The following MPDZ variants were observed in gnomAD, a reference collection of about 807,000 sequenced individuals.
MPDZ encodes the protein multiple PDZ domain protein.
Under a neutral mutation model 239.1 loss-of-function variants are expected in MPDZ, and 234 were observed. The observed-to-expected ratio is 0.98, with a 90% CI of 0.88 to 1.09. MPDZ has a LOEUF of 1.09. Among genes scored for constraint, MPDZ ranks in the 50% least tolerant of loss-of-function variants. The probability of loss-of-function intolerance (pLI) is 0.00; values close to 1 mark genes in which losing one functional copy is unlikely to be tolerated. For synonymous variants in MPDZ, 1,048 were observed against 881.3 expected (o/e 1.19, Z -3.35); for missense variants, 3,175 against 2,510.0 (o/e 1.26, Z -5.66).
rs770170366 is a variant in MPDZ at position 13,119,628 on chromosome 9, C to A, written c.5253G>T (p.Val1751=). ...VGKRNDTGVF[V]SDIVKGGIAD... is the part of the protein sequence containing the mutation. ...CAATTCCTCCTTTGACAATGTCTGA[C>A]ACAAATACTCCAGTATCGTTTCTAC... The change falls in exon 39 of 47, where the codon GTG becomes GTT. Residue 1751 remains valine, a synonymous_variant. Coordinates refer to ENST00000319217, the MANE Select transcript of MPDZ (RefSeq NM_001378778.1). 1.9e-6 allele frequency: 3 copies of A among 1,613,948 alleles called. No individual in the cohort carries two copies. Among genetic ancestry groups the A allele is most frequent in the South Asian group, 1.1e-5 (1 of 91,078 alleles).
intron 29 of MPDZ, 126 bp downstream of exon 29, chr9:13,137,831 A>C: frequency 1.0e-6 from 1 of 968,136 alleles, no homozygotes; most frequent in South Asian, 1.7e-5. Context: ...GCTGCAATGC[A>C]TCTATTTTAT....
In MPDZ at chr9:13,216,832, G is replaced by C; in HGVS notation, c.1232C>G (p.Thr411Arg). ...ATCATGCTCAACGGCACTGCTTTTTGTAATGCTCTTTACAAAGATTCCTGA... is the reference window on the plus strand; with the variant it reads ...ATCATGCTCAACGGCACTGCTTTTTCTAATGCTCTTTACAAAGATTCCTGA... ...EPSGIFVKSI[T>R]KSSAVEHDGR... The change falls in exon 10 of 47, where the codon ACA becomes AGA. Residue 411 changes from threonine (T) to arginine (R), a missense_variant. Physicochemically the swap from Thr to Arg is moderately conservative, Grantham distance 71 (BLOSUM62 -1). Transcript: ENST00000319217. The C allele has an allele frequency of 6.2e-7, 1 of 1,609,908 alleles. No individual in the cohort carries two copies. The highest frequency in any genetic ancestry group is 8.5e-7 in the Non-Finnish European group (1 of 1,177,900).
intron 1 of MPDZ, among the ~76,000 whole-genome samples, chr9:13,265,815 G>T (rs1257206743): frequency 6.6e-6 from 1 of 152,084 alleles, no homozygotes; most frequent in Non-Finnish European, 1.5e-5. Context: ...GCTCCTCAGG[G>T]GAAAGTGTTA....
rs755920771 is a variant in MPDZ at position 13,189,011 on chromosome 9, G to A, written c.2155-18C>T. ...ATTGGATCCTGACAGAAGGCAAAAG[G>A]AAAGAGTCAGCTCATTTTACAAAGA... On this transcript the variant is annotated intron_variant, in intron 16 of 46. Transcript: ENST00000319217. 1.9e-6 allele frequency: 3 copies of A among 1,601,952 alleles called. No homozygotes were observed. The highest frequency in any genetic ancestry group is 2.2e-5 in the South Asian group (2 of 89,920).
intron 27 of MPDZ, 119 bp from the exon 28 acceptor site, chr9:13,140,268 T>C: frequency 2.4e-6 from 2 of 848,352 alleles, no homozygotes; most frequent in Non-Finnish European, 3.5e-6. Context: ...TAACAAATAA[T>C]GGAAAGCTCA....
rs755487892 is a variant in MPDZ at position 13,198,737 on chromosome 9, C to CTCTCTG, written c.1547-2508_1547-2507insCAGAGA. Among the ~76,000 whole-genome samples, 246 of 69,772 alleles carry CTCTCTG rather than the reference C, an allele frequency of 3.5e-3. 1 individual carries two copies. The highest frequency in any genetic ancestry group is 4.6e-3 in the Admixed American group (30 of 6,524). 45.8% of individuals were successfully genotyped at this position (69,772 alleles called of 152,430 possible). ...ATATTTAGGTCTTTAATCTCTCTCT[C>CTCTCTG]TGTGTGTGTGTGTGTGTGTGTGTGT... is the stretch of plus-strand genomic sequence containing the variant. On this transcript the variant is annotated intron_variant, in intron 12 of 46. Transcript: ENST00000319217.
At chr9:13,112,839 T>C (rs188807639) in intron 42 of MPDZ, among the ~76,000 whole-genome samples, 172 bp downstream of exon 42, 15 of 152,344 alleles carry the variant, frequency 9.8e-5, no homozygotes, top group African/African-American at 3.6e-4. Flanking sequence ...AATGAGGTGC[T>C]GTGATCAGGA....
rs529814247 is a variant in MPDZ, at chr9:13,217,494, A to G, written c.1087-200T>C. Among the ~76,000 whole-genome samples, 8 of 151,986 alleles carry G rather than the reference A, an allele frequency of 5.3e-5. No individual in the cohort carries two copies. In the South Asian group the frequency reaches 1.2e-3, roughly 24 times the overall value. On this transcript the variant is annotated intron_variant, in intron 8 of 46. Coordinates refer to ENST00000319217, the MANE Select transcript of MPDZ (RefSeq NM_001378778.1). ...TCATCATATTTTTGCTCAGAAAGGG[A>G]TATCAGGCAGGAATAAGGTTGAACC...
chr9:13,160,314 C>T (rs1950311314), intron 23 of MPDZ, among the ~76,000 whole-genome samples: 1 of 152,120 alleles, frequency 6.6e-6, no homozygotes, highest in African/African-American at 2.4e-5. Context: ...ACCAAAAATG[C>T]ATATCCATGT....
intron 5 of MPDZ, among the ~76,000 whole-genome samples, chr9:13,223,037 G>C (rs1959251641): frequency 6.6e-6 from 1 of 152,060 alleles, no homozygotes; most frequent in South Asian, 2.1e-4. Context: ...CATAGGATTT[G>C]CACTGTGTTA....
intron 41 of MPDZ, 88 bp downstream of exon 41, chr9:13,113,843 G>C (rs1177196138): frequency 8.9e-6 from 9 of 1,013,484 alleles, no homozygotes; most frequent in Non-Finnish European, 1.3e-5. Context: ...TGATTTGGGG[G>C]AAAAGAAAGC....
intron 1 of MPDZ, among the ~76,000 whole-genome samples, chr9:13,263,874 G>A (rs1444880610): frequency 1.3e-5 from 2 of 152,084 alleles, no homozygotes; most frequent in Admixed American, 6.6e-5. Context: ...ATATTCAAAT[G>A]ACAATAAAAT....
At chr9:13,233,295 G>A (rs921837811) in intron 3 of MPDZ, among the ~76,000 whole-genome samples, 2 of 152,114 alleles carry the variant, frequency 1.3e-5, no homozygotes, top group Non-Finnish European at 2.9e-5. Context: ...GCAATCAACA[G>A]AAGAGTGGAC....
intron 27 of MPDZ, among the ~76,000 whole-genome samples, chr9:13,142,613 T>A (rs1947875138): frequency 6.6e-6 from 1 of 152,068 alleles, no homozygotes; most frequent in South Asian, 2.1e-4. Context: ...ATACGAAAAT[T>A]CCACACTGAC....
chr9:13,175,256 C>T (rs1952309033), intron 21 of MPDZ, among the ~76,000 whole-genome samples: 2 of 152,100 alleles, frequency 1.3e-5, no homozygotes, highest in Admixed American at 6.5e-5. Context: ...AAAATCCTGC[C>T]ACCTGGGAAG....
chr9:13,148,316 C>T (rs991370359), intron 25 of MPDZ, among the ~76,000 whole-genome samples: 1 of 152,000 alleles, frequency 6.6e-6, no homozygotes, highest in Admixed American at 6.6e-5. Context: ...ACTCAGCTTA[C>T]ACACTTTATG....
intron 19 of MPDZ, among the ~76,000 whole-genome samples, chr9:13,178,554 C>A (rs745354227): frequency 6.6e-6 from 1 of 152,110 alleles, no homozygotes; most frequent in South Asian, 2.1e-4. Context: ...ACTTAAAATG[C>A]AATTCAGTTC....
At chr9:13,248,489 GAC>G (rs1402770386) in intron 2 of MPDZ, among the ~76,000 whole-genome samples, 1 of 151,934 alleles carries the variant, frequency 6.6e-6, no homozygotes, top group Non-Finnish European at 1.5e-5. Flanking sequence ...ACTTACGCCA[GAC>G]AGTTTCCACC....
chr9:13,145,271 C>CA (rs1213683347), intron 26 of MPDZ, among the ~76,000 whole-genome samples: 3 of 151,976 alleles, frequency 2.0e-5, no homozygotes, highest in African/African-American at 7.2e-5. Context: ...GAAATATTAA[C>CA]AACGAAGAAG....
Sources: gnomAD v4.1 joint callset for allele counts (sites outside exome capture counted in the v4.1 genomes callset) on GRCh38, gnomAD v4.1.1 for gene constraint, MANE v1.5 for transcripts, NCBI Gene and HGNC (gene_info 2026-07-23, HGNC 2026-07-21) for gene names.